The following PEX7 variants were observed in gnomAD, a reference collection of about 807,000 sequenced individuals.
The protein encoded by PEX7 is PTS2 receptor.
Under a neutral mutation model 47.5 loss-of-function variants are expected in PEX7, and 34 were observed. That is an observed-to-expected ratio of 0.72 (90% CI 0.54 to 0.95). PEX7 has a LOEUF of 0.95. PEX7 is among the 40% of genes least tolerant of loss of function. The probability of loss-of-function intolerance (pLI) is 0.00; values close to 1 mark genes in which losing one functional copy is unlikely to be tolerated. For missense variants in PEX7, 394 were observed against 400.3 expected (o/e 0.98, Z 0.13); for synonymous variants, 141 against 148.8 (o/e 0.95, Z 0.38).
At chr6:136,868,901 T>C (rs950905995) in intron 6 of PEX7, among the ~76,000 whole-genome samples, 1 of 152,120 alleles carries the variant, frequency 6.6e-6, no homozygotes, top group African/African-American at 2.4e-5. Context: ...CACTATTTGA[T>C]TACATTCTTG....
intron 6 of PEX7, 101 bp from the exon 7 acceptor site, chr6:136,869,789 T>G (rs1019867208): frequency 2.5e-5 from 22 of 893,908 alleles, no homozygotes; most frequent in Non-Finnish European, 4.2e-5. Flanking sequence ...TGGTTCATAT[T>G]AAATAGTTAT....
intron 8 of PEX7, among the ~76,000 whole-genome samples, chr6:136,880,191 ATG>A (rs1775352622): frequency 2.0e-5 from 3 of 151,432 alleles, no homozygotes; most frequent in Non-Finnish European, 4.4e-5. Context: ...TTATTTGTGT[ATG>A]TGTGTGTTTT....
intron 8 of PEX7, among the ~76,000 whole-genome samples, chr6:136,894,475 AG>A (rs1357190801): frequency 6.6e-6 from 1 of 152,230 alleles, no homozygotes; most frequent in African/African-American, 2.4e-5. Flanking sequence ...CTGTAATTCC[AG>A]CTACTCAGGA....
chr6:136,895,077 T>C (rs1040580454), intron 8 of PEX7, among the ~76,000 whole-genome samples: 5 of 152,168 alleles, frequency 3.3e-5, no homozygotes, highest in African/African-American at 4.8e-5. Flanking sequence ...AACTGCAAAC[T>C]TGAGAAAACT....
chr6:136,875,696 G>C (rs181215646), intron 8 of PEX7, among the ~76,000 whole-genome samples: 25 of 152,236 alleles, frequency 1.6e-4, no homozygotes, highest in Middle Eastern at 3.4e-3. Context: ...TAGGCCTTCT[G>C]TATCCCTTCT....
At position 136,866,610 on chromosome 6, in the gene PEX7, G is replaced by T; in HGVS notation, c.527-17G>T. The T allele has an allele frequency of 3.1e-6, 5 of 1,603,592 alleles. No homozygotes were observed. The highest frequency in any genetic ancestry group is 4.3e-6 in the Non-Finnish European group (5 of 1,170,544). ...AAGTGGTGTGATGGGAAATGATCAA[G>T]TCTTCCTTTTTACTAGGTGATCAGA... On this transcript the variant is annotated splice_polypyrimidine_tract_variant and intron_variant, in intron 5 of 9. Transcript: ENST00000318471.
At position 136,870,014 on chromosome 6, in the gene PEX7, A is replaced by G. The variant is rs370027126; in HGVS notation, c.747+11A>G. ...ATTAGGAGGGTGAAAGTAAGTTTTC[A>G]TCTTTTCTTTTATATGTAGAATAAA... is the stretch of plus-strand genomic sequence containing the variant. On this transcript the variant is annotated intron_variant, in intron 7 of 9. Transcript: ENST00000318471. 5.2e-5 allele frequency: 78 copies of G among 1,488,686 alleles called. 1 individual carries two copies. Among genetic ancestry groups the G allele is most frequent in the Non-Finnish European group, 7.1e-5 (76 of 1,067,356 alleles). The allele number at this position is 1,488,686 out of a possible 1,614,324, so 92.2% of individuals were successfully genotyped here. A position where few individuals can be genotyped will look rare whatever the true frequency, so the allele number is the denominator to read the frequency against.
intron 8 of PEX7, among the ~76,000 whole-genome samples, chr6:136,889,133 A>AT (rs1395605137): frequency 1.6e-4 from 24 of 152,128 alleles, no homozygotes; most frequent in Non-Finnish European, 2.2e-4. Context: ...TGATATGTTC[A>AT]TTTTTTAATA....
At chr6:136,850,979 T>A (rs146256650) in intron 5 of PEX7, among the ~76,000 whole-genome samples, 1,996 of 125,680 alleles carry the variant, frequency 0.016, 46 homozygotes, top group African/African-American at 0.063. Context: ...CTTTTTTTTT[T>A]ATTTTTTTTT....
At chr6:136,823,905 A>G (rs995517384) in intron 1 of PEX7, among the ~76,000 whole-genome samples, 3 of 152,284 alleles carry the variant, frequency 2.0e-5, no homozygotes, top group Non-Finnish European at 2.9e-5. Context: ...AAAAGAGTCC[A>G]TCTAGTCCGT....
intron 3 of PEX7, among the ~76,000 whole-genome samples, chr6:136,835,469 A>T (rs1774369142): frequency 1.3e-5 from 2 of 151,592 alleles, no homozygotes; most frequent in African/African-American, 2.4e-5. Context: ...TTGTATTTTT[A>T]GTAGAGACAG....
At chr6:136,878,485 A>G (rs193095695) in intron 8 of PEX7, among the ~76,000 whole-genome samples, 1 of 152,082 alleles carries the variant, frequency 6.6e-6, no homozygotes, top group East Asian at 1.9e-4. Flanking sequence ...CTCCTTCAAT[A>G]CCTAGTTTAT....
chr6:136,879,727 A>C (rs147642324), intron 8 of PEX7, among the ~76,000 whole-genome samples: 48 of 152,114 alleles, frequency 3.2e-4, no homozygotes, highest in Middle Eastern at 3.4e-3. Context: ...TTTTCTGTGG[A>C]ACTCCCATTA....
intron 9 of PEX7, among the ~76,000 whole-genome samples, chr6:136,901,837 G>C (rs1775758306): frequency 6.6e-6 from 1 of 152,244 alleles, no homozygotes; most frequent in African/African-American, 2.4e-5. Context: ...CCAGGCTGGA[G>C]TGCAATGGCG....
At chr6:136,882,100 T>C (rs142943564) in intron 8 of PEX7, among the ~76,000 whole-genome samples, 1 of 152,178 alleles carries the variant, frequency 6.6e-6, no homozygotes, top group Admixed American at 6.5e-5. Flanking sequence ...CACAGGGTGA[T>C]TACAAGAAAT....
intron 9 of PEX7, among the ~76,000 whole-genome samples, chr6:136,906,854 GT>G (rs1775853688): frequency 6.6e-6 from 1 of 152,044 alleles, no homozygotes; most frequent in Non-Finnish European, 1.5e-5. Flanking sequence ...TTAAATTGTC[GT>G]TTTTATCATT....
At chr6:136,838,362 C>G (rs1322895839) in intron 3 of PEX7, among the ~76,000 whole-genome samples, 1 of 152,138 alleles carries the variant, frequency 6.6e-6, no homozygotes, top group Non-Finnish European at 1.5e-5. Context: ...TTGGGATAAT[C>G]CAGAAGGCAA....
In PEX7 at chr6:136,843,383, A is replaced by G. The variant is rs914384781; in HGVS notation, c.340-2232A>G. ...AGCCTAGAGCAGGGGTTGGCAAACT[A>G]CGTCATGTGGACCAGGACCAAATCT... On this transcript the variant is annotated intron_variant, in intron 3 of 9. Coordinates refer to ENST00000318471, the MANE Select transcript of PEX7 (RefSeq NM_000288.4). 4.6e-5 allele frequency among the ~76,000 whole-genome samples: 7 copies of G among 152,232 alleles called. No homozygotes were observed. In the East Asian group the frequency reaches 5.8e-4, roughly 13 times the overall value.
intron 2 of PEX7, among the ~76,000 whole-genome samples, chr6:136,825,983 T>TA (rs917922387): frequency 6.6e-6 from 1 of 152,090 alleles, no homozygotes; most frequent in Non-Finnish European, 1.5e-5. Context: ...TTCTCTCAAA[T>TA]AAAAAACAAA....
Sources: allele counts gnomAD v4.1 joint callset (sites outside exome capture counted in the v4.1 genomes callset), GRCh38; gene constraint gnomAD v4.1.1; transcripts MANE v1.5; gene names NCBI Gene and HGNC (gene_info 2026-07-23, HGNC 2026-07-21).